SURF6: variants seen among roughly 807,000 people sequenced by gnomAD.
SURF6 encodes the protein surfeit locus protein 6.
Under a neutral mutation model 37.5 loss-of-function variants are expected in SURF6, and 28 were observed. That is an observed-to-expected ratio of 0.75 (90% CI 0.55 to 1.02). The LOEUF is 1.02. SURF6 is among the 50% of genes least tolerant of loss of function. The probability of loss-of-function intolerance (pLI) is 0.00; values close to 1 mark genes in which losing one functional copy is unlikely to be tolerated. For synonymous variants in SURF6, 248 were observed against 210.9 expected (o/e 1.18, Z -1.52); for missense variants, 560 against 490.5 (o/e 1.14, Z -1.34).
In SURF6 at chr9:133,336,086, T is replaced by C. The variant is rs1835870316; in HGVS notation, c.47A>G (p.Lys16Arg). 2 of 1,612,870 alleles carry C rather than the reference T, an allele frequency of 1.2e-6. No homozygotes were observed. The highest frequency in any genetic ancestry group is 1.7e-5 in the Admixed American group (1 of 59,996). The change falls in exon 1 of 5, where the codon AAG becomes AGG. Residue 16 changes from lysine to arginine, a missense_variant. Coordinates refer to ENST00000372022, the MANE Select transcript of SURF6 (RefSeq NM_006753.6). ...AKDAYLQSLA[K>R]KICSHSAPEQ... ...CGGGGCCGAATGGGAGCAGATCTTC[T>C]TGGCCAGGCTCTGCAGGTAGGCGTC...
rs199792518 is a variant in SURF6, at chr9:133,332,678, C to T, written c.476G>A (p.Arg159Gln). 85 of 1,612,316 alleles carry T rather than the reference C, an allele frequency of 5.3e-5. No individual in the cohort carries two copies. Among genetic ancestry groups the T allele is most frequent in the Admixed American group, 1.2e-4 (7 of 60,010 alleles). ...CTTCTCTTTCGCCCGCAGCTCCTTT[C>T]GCTTCCTCTTCTTCCGGTCCCGTTC... ...KQERDRKKRK[R>Q]KELRAKEKAR... Residue 159 changes from arginine to glutamine, a missense_variant, in exon 4 of 5, where the codon CGA (arginine) becomes CAA (glutamine). Arg to Gln is a conservative substitution (Grantham distance 43). Coordinates refer to ENST00000372022, the MANE Select transcript of SURF6 (RefSeq NM_006753.6).
Position 133,332,581 on chromosome 9 carries a change from C to G in SURF6, c.573G>C (p.Glu191Asp). ...AGATCAGCCCGGGCGGCTCCCGCGGCTCCGTGCAGGCCCCCTCTGGGGTTG... is the reference window on the plus strand; with the variant it reads ...AGATCAGCCCGGGCGGCTCCCGCGGGTCCGTGCAGGCCCCCTCTGGGGTTG... ...VEATPEGACT[E>D]PREPPGLIFN... Residue 191 changes from glutamate (E) to aspartate (D), a missense_variant, in exon 4 of 5, where the codon GAG (glutamate) becomes GAC (aspartate). Coordinates refer to ENST00000372022, the MANE Select transcript of SURF6 (RefSeq NM_006753.6). 1 of 1,609,558 alleles carries G rather than the reference C, an allele frequency of 6.2e-7. No homozygotes were observed. Among genetic ancestry groups the G allele is most frequent in the African/African-American group, 1.3e-5 (1 of 75,076 alleles).
chr9:133,332,546 ACC>A lies in SURF6; in HGVS notation c.606_606+1del. 2 of 1,606,790 alleles carry A rather than the reference ACC, an allele frequency of 1.2e-6. No individual in the cohort carries two copies. Among genetic ancestry groups the A allele is most frequent in the Middle Eastern group, 1.7e-4 (1 of 6,048 alleles). ...CCGCCCAAGGACCCAGCTCCCGCTC[ACC>A]TTATTGAAGATCAGCCCGGGCGGCT... On this transcript the variant is annotated splice_donor_variant and coding_sequence_variant, in exon 4 of 5. Coordinates refer to ENST00000372022, the MANE Select transcript of SURF6 (RefSeq NM_006753.6). LOFTEE classifies it high-confidence loss of function.
chr9:133,335,682 C>T (rs2129932222), intron 1 of SURF6, among the ~76,000 whole-genome samples: 1 of 150,456 alleles, frequency 6.6e-6, no homozygotes, highest in East Asian at 1.9e-4. Flanking sequence ...CACTGACTGA[C>T]CATTACTCCT....
rs1295810038 is a variant in SURF6 at position 133,336,117 on chromosome 9, CGAGTA to C, written c.11_15del (p.Leu4ArgfsTer59). ...AGGCTCTGCAGGTAGGCGTCCTTGGCGAGTAGAGAGGCCATGGCGGAGACCCGGGC... is the reference window on the plus strand; with the variant it reads ...AGGCTCTGCAGGTAGGCGTCCTTGGCGAGAGGCCATGGCGGAGACCCGGGC... On this transcript the variant is annotated frameshift_variant, in exon 1 of 5. Coordinates refer to ENST00000372022, the MANE Select transcript of SURF6 (RefSeq NM_006753.6). LOFTEE classifies it high-confidence loss of function. 6.2e-7 allele frequency: 1 copy of C among 1,612,242 alleles called. No individual in the cohort carries two copies. The highest frequency in any genetic ancestry group is 1.1e-5 in the South Asian group (1 of 91,012).
At position 133,330,181 on chromosome 9, in the gene SURF6, A is replaced by C. The variant is rs967092063; in HGVS notation, c.*1688T>G. On this transcript the variant is annotated 3_prime_UTR_variant, in exon 5 of 5. Transcript: ENST00000372022. ...TATAAATGGCACTATTTATCTGTAGATGCACATACATTTAGGGGCTATGTT... is the reference window on the plus strand; with the variant it reads ...TATAAATGGCACTATTTATCTGTAGCTGCACATACATTTAGGGGCTATGTT... The C allele has an allele frequency of 6.6e-6, 1 of 152,216 alleles. No homozygotes were observed. Among genetic ancestry groups the C allele is most frequent in the African/African-American group, 2.4e-5 (1 of 41,452 alleles). 9.4% of individuals were successfully genotyped at this position (152,216 alleles called of 1,614,324 possible). A position where few individuals can be genotyped will look rare whatever the true frequency, so the allele number is the denominator to read the frequency against.
chr9:133,333,606 G>T, intron 3 of SURF6, 112 bp downstream of exon 3: 1 of 971,904 alleles, frequency 1.0e-6, no homozygotes, highest in Non-Finnish European at 1.6e-6. Flanking sequence ...CTGGGGCCCT[G>T]CCAGACTCGC....
Position 133,330,180 on chromosome 9 carries a change from G to A in SURF6, c.*1689C>T, listed in dbSNP as rs1835689287. The A allele has an allele frequency of 6.6e-6, 1 of 152,160 alleles. No homozygotes were observed. 9.4% of individuals were successfully genotyped at this position (152,160 alleles called of 1,614,324 possible). A position where few individuals can be genotyped will look rare whatever the true frequency, so the allele number is the denominator to read the frequency against. ...GTATAAATGGCACTATTTATCTGTA[G>A]ATGCACATACATTTAGGGGCTATGT... On this transcript the variant is annotated 3_prime_UTR_variant, in exon 5 of 5. Coordinates refer to ENST00000372022, the MANE Select transcript of SURF6 (RefSeq NM_006753.6).
rs2129908735 is a variant in SURF6 at position 133,331,072 on chromosome 9, T to G, written c.*797A>C. 16 of 152,356 alleles carry G rather than the reference T, an allele frequency of 1.1e-4. No homozygotes were observed. Among genetic ancestry groups the G allele is most frequent in the Admixed American group, 7.8e-4 (12 of 15,288 alleles). 9.4% of individuals were successfully genotyped at this position (152,356 alleles called of 1,614,324 possible). On this transcript the variant is annotated 3_prime_UTR_variant, in exon 5 of 5. Coordinates refer to ENST00000372022, the MANE Select transcript of SURF6 (RefSeq NM_006753.6). ...ATATGCCACTAAAATTCACCTGTTT[T>G]CTTTCAACCTGCACTCATTTTGATT...
chr9:133,333,870 C>G, intron 2 of SURF6, 64 bp from the exon 3 acceptor site: 1 of 1,384,644 alleles, frequency 7.2e-7, no homozygotes, highest in Non-Finnish European at 1.0e-6. Flanking sequence ...TCCCTAGGGC[C>G]ACGAATCCCT....
rs2129906163 is a variant in SURF6 at position 133,330,369 on chromosome 9, T to C, written c.*1500A>G. On this transcript the variant is annotated 3_prime_UTR_variant, in exon 5 of 5. Transcript: ENST00000372022. ...CTCCCGCCTCAGCCTCCCAAGCAGC[T>C]GGGACTACAGGTTTGCACCACCACA... 3 of 152,154 alleles carry C rather than the reference T, an allele frequency of 2.0e-5. No homozygotes were observed. Among genetic ancestry groups the C allele is most frequent in the East Asian group, 1.9e-4 (1 of 5,190 alleles). The allele number at this position is 152,154 out of a possible 1,614,324, so 9.4% of individuals were successfully genotyped here.
In SURF6 at chr9:133,330,787, ACTT is replaced by A. The variant is rs1479130017; in HGVS notation, c.*1079_*1081del. 3.3e-5 allele frequency: 5 copies of A among 152,090 alleles called. No homozygotes were observed. The highest frequency in any genetic ancestry group is 3.3e-4 in the Admixed American group (5 of 15,258). The allele number at this position is 152,090 out of a possible 1,614,324, so 9.4% of individuals were successfully genotyped here. The stretch of plus-strand genomic sequence containing the variant: ...CACTGATTCCTTGAAATATCTTAAG[ACTT>A]CTTTTCTGGACAAAGTAGGTGGTCA... On this transcript the variant is annotated 3_prime_UTR_variant, in exon 5 of 5. Transcript: ENST00000372022.
At chr9:133,333,280 G>A (rs1835793723) in intron 3 of SURF6, among the ~76,000 whole-genome samples, 1 of 152,170 alleles carries the variant, frequency 6.6e-6, no homozygotes, top group Non-Finnish European at 1.5e-5. Flanking sequence ...GGATGGCGGA[G>A]GAGAGTAGCT....
Position 133,332,026 on chromosome 9 carries a change from CGCTTCTCCCA to C in SURF6, c.919_928del (p.Trp307AlafsTer72). 1 of 1,601,606 alleles carries C rather than the reference CGCTTCTCCCA, an allele frequency of 6.2e-7. No homozygotes were observed. The highest frequency in any genetic ancestry group is 8.5e-7 in the Non-Finnish European group (1 of 1,179,280). On this transcript the variant is annotated frameshift_variant, in exon 5 of 5. Transcript: ENST00000372022. LOFTEE classifies it high-confidence loss of function. ...CATCTTCTCCACCACGCCGGCCGTG[CGCTTCTCCCA>C]CCGGCGCTGCCGCTGCGCCCTGCGC...
Position 133,331,947 on chromosome 9 carries a change from G to T in SURF6, c.1008C>A (p.Arg336=). Residue 336 remains arginine (R), a synonymous_variant, in exon 5 of 5, where the codon CGC becomes CGA. Coordinates refer to ENST00000372022, the MANE Select transcript of SURF6 (RefSeq NM_006753.6). ...RQNLRRKKAA[R]AERRLLRARK... ...GGGCTCTGAGCAGGCGGCGCTCGGC[G>T]CGGGCCGCCTTCTTCCTGCGCAGGT... The T allele has an allele frequency of 6.3e-7, 1 of 1,591,522 alleles. No homozygotes were observed. The highest frequency in any genetic ancestry group is 8.5e-7 in the Non-Finnish European group (1 of 1,176,202).
intron 3 of SURF6, 186 bp from the exon 4 acceptor site, chr9:133,332,946 G>A (rs1835785532): frequency 1.6e-6 from 1 of 613,672 alleles, no homozygotes; most frequent in Non-Finnish European, 2.8e-6. Context: ...AAAGAGAGAA[G>A]GGACCCCCAA....
At position 133,332,585 on chromosome 9, in the gene SURF6, G is replaced by C. The variant is rs143274946; in HGVS notation, c.569C>G (p.Thr190Arg). 2 of 1,609,474 alleles carry C rather than the reference G, an allele frequency of 1.2e-6. No homozygotes were observed. The highest frequency in any genetic ancestry group is 2.7e-5 in the African/African-American group (2 of 74,928). Residue 190 changes from threonine (T) to arginine (R), a missense_variant, in exon 4 of 5, where the codon ACG (threonine) becomes AGG (arginine). Physicochemically the swap from Thr to Arg is moderately conservative, Grantham distance 71. Transcript: ENST00000372022. ...VVEATPEGAC[T>R]EPREPPGLIF... Reference sequence around the variant, plus strand: ...CAGCCCGGGCGGCTCCCGCGGCTCCGTGCAGGCCCCCTCTGGGGTTGCCTC... The same window carrying C: ...CAGCCCGGGCGGCTCCCGCGGCTCCCTGCAGGCCCCCTCTGGGGTTGCCTC...
intron 1 of SURF6, among the ~76,000 whole-genome samples, chr9:133,335,396 G>A (rs1012043376): frequency 9.9e-5 from 15 of 151,924 alleles, no homozygotes; most frequent in Non-Finnish European, 1.9e-4. Context: ...ATTCACTTAA[G>A]ATTTTGGATT....
In SURF6 at chr9:133,334,012, G is replaced by A. The variant is rs150267888; in HGVS notation, c.305-206C>T. The stretch of plus-strand genomic sequence containing the variant: ...GTGCCTCACGAGGTAGGTCACCGTG[G>A]TATGAGAAAACACTTCCTACGGTGC... On this transcript the variant is annotated intron_variant, in intron 2 of 4. Coordinates refer to ENST00000372022, the MANE Select transcript of SURF6 (RefSeq NM_006753.6). Among the ~76,000 whole-genome samples, 5 of 152,292 alleles carry A rather than the reference G, an allele frequency of 3.3e-5. No individual in the cohort carries two copies. The East Asian group carries it at 7.7e-4, about 24-fold the overall frequency.
Sources: allele counts gnomAD v4.1 joint callset (sites outside exome capture counted in the v4.1 genomes callset), GRCh38; gene constraint gnomAD v4.1.1; transcripts MANE v1.5; gene names NCBI Gene and HGNC (gene_info 2026-07-23, HGNC 2026-07-21).